Variants in NELL1 observed in about 807,000 individuals in gnomAD.
The protein encoded by NELL1 is neural EGFL like 1.
Under a neutral mutation model 107.4 loss-of-function variants are expected in NELL1, and 76 were observed. The ratio of observed to expected loss-of-function variants is 0.71; its 90% CI spans 0.59 to 0.86. NELL1 has a LOEUF of 0.86. Among genes scored for constraint, NELL1 ranks in the 40% least tolerant of loss-of-function variants. The pLI, the probability that NELL1 is intolerant of heterozygous loss-of-function variation, is 0.00. For synonymous variants in NELL1, 353 were observed against 341.2 expected (o/e 1.03, Z -0.38); for missense variants, 1,024 against 1,005.5 (o/e 1.02, Z -0.25).
intron 2 of NELL1, among the ~76,000 whole-genome samples, chr11:20,720,774 CTTTTTA>C: frequency 6.6e-6 from 1 of 152,116 alleles, no homozygotes; most frequent in East Asian, 1.9e-4. Flanking sequence ...CAAATTTCTT[CTTTTTA>C]TAAGGATACC....
intron 15 of NELL1, among the ~76,000 whole-genome samples, chr11:21,385,818 C>T (rs1366013537): frequency 6.6e-6 from 1 of 151,882 alleles, no homozygotes; most frequent in East Asian, 1.9e-4. Flanking sequence ...CAATATTCCT[C>T]CTGCACTAAA....
chr11:20,996,022 A>G (rs984578086), intron 12 of NELL1, among the ~76,000 whole-genome samples: 7 of 152,230 alleles, frequency 4.6e-5, no homozygotes, highest in African/African-American at 1.7e-4. Flanking sequence ...TACTTAATGT[A>G]TTAGTCTTCA....
intron 1 of NELL1, 145 bp from the exon 2 acceptor site, chr11:20,677,787 C>G (rs1854095178): frequency 1.1e-6 from 1 of 908,368 alleles, no homozygotes; most frequent in African/African-American, 1.6e-5. Flanking sequence ...CAAAGATTTG[C>G]TTTTCTTTTC....
rs542498119 is a variant in NELL1, at chr11:21,205,603, C to T, written c.1427-23729C>T. Among the ~76,000 whole-genome samples the T allele has an allele frequency of 1.5e-3, 223 of 152,274 alleles. 2 individuals are homozygous for T. Among genetic ancestry groups the T allele is most frequent in the Admixed American group, 2.4e-3 (37 of 15,290 alleles). ...AGCACTTGGCTCCCTGGCTTCAGCC[C>T]CCTTTCTAGTGGAGTCAACAGTTCT... On this transcript the variant is annotated intron_variant, in intron 13 of 19. Transcript: ENST00000357134.
chr11:20,711,737 G>T (rs1341563337), intron 2 of NELL1, among the ~76,000 whole-genome samples: 1 of 151,718 alleles, frequency 6.6e-6, no homozygotes, highest in Non-Finnish European at 1.5e-5. Context: ...AAAAGTTTCT[G>T]CTAAGAAATC....
chr11:21,280,173 A>G (rs7934569), intron 14 of NELL1, among the ~76,000 whole-genome samples: 2,285 of 152,300 alleles, frequency 0.015, 71 homozygotes, highest in African/African-American at 0.052. Context: ...TGTACAATGT[A>G]AAATACCAAG....
intron 12 of NELL1, among the ~76,000 whole-genome samples, chr11:21,081,223 C>T (rs920297237): frequency 2.0e-5 from 3 of 152,064 alleles, no homozygotes; most frequent in Non-Finnish European, 4.4e-5. Flanking sequence ...ATCACCAACC[C>T]CCTTCTTGAG....
rs373587109 is a variant in NELL1 at position 21,387,549 on chromosome 11, A to C, written c.1645+16601A>C. On this transcript the variant is annotated intron_variant, in intron 15 of 19. Transcript: ENST00000357134. ...GTACTGGTAAGGTAGTACGGACAAG[A>C]TTATAGGATTAGGAGGTGTCAGAGC... Among the ~76,000 whole-genome samples, 269 of 151,980 alleles carry C rather than the reference A, an allele frequency of 1.8e-3. 9 individuals carry two copies. The South Asian group carries it at 0.053, about 30-fold the overall frequency.
intron 4 of NELL1, among the ~76,000 whole-genome samples, chr11:20,851,475 C>A (rs938454759): frequency 6.6e-6 from 1 of 152,028 alleles, no homozygotes; most frequent in Non-Finnish European, 1.5e-5. Context: ...CTCCGGCTAC[C>A]TTTTATATTA....
chr11:20,948,253 A>G (rs1386429421), intron 11 of NELL1, among the ~76,000 whole-genome samples: 4 of 151,626 alleles, frequency 2.6e-5, no homozygotes, highest in Admixed American at 2.0e-4. Context: ...GGGTCTTGCT[A>G]TGTTGCCCAG....
In NELL1 at chr11:20,685,229, G is replaced by A. The variant is rs550101507; in HGVS notation, c.184+7169G>A. Among the ~76,000 whole-genome samples, 28 of 152,072 alleles carry A rather than the reference G, an allele frequency of 1.8e-4. No individual in the cohort carries two copies. In the South Asian group the frequency reaches 2.1e-3, roughly 11 times the overall value. ...ATAGGGCTCATCTCTTTTGTATCCC[G>A]TCTCTGAAGGATCACTGCCCTTCAT... On this transcript the variant is annotated intron_variant, in intron 2 of 19. Transcript: ENST00000357134.
intron 13 of NELL1, among the ~76,000 whole-genome samples, chr11:21,139,120 A>T (rs1469023642): frequency 6.6e-6 from 1 of 152,214 alleles, no homozygotes; most frequent in Non-Finnish European, 1.5e-5. Context: ...GAGCAGGTCC[A>T]TCTTACTTCT....
At chr11:21,174,004 G>A (rs1375178583) in intron 13 of NELL1, among the ~76,000 whole-genome samples, 1 of 151,786 alleles carries the variant, frequency 6.6e-6, no homozygotes, top group African/African-American at 2.4e-5. Context: ...AACAATTCCA[G>A]TAGCAACTAA....
intron 15 of NELL1, among the ~76,000 whole-genome samples, chr11:21,498,198 T>A (rs1049624779): frequency 1.3e-5 from 2 of 151,570 alleles, no homozygotes; most frequent in African/African-American, 4.8e-5. Flanking sequence ...AAATCTAAAT[T>A]CTTTTTATAT....
intron 15 of NELL1, among the ~76,000 whole-genome samples, chr11:21,435,437 T>A (rs980142555): frequency 7.4e-6 from 1 of 135,984 alleles, no homozygotes; most frequent in African/African-American, 3.2e-5. Flanking sequence ...TATTGTTTTT[T>A]GTTTTTTGTT....
chr11:20,814,902 A>T (rs1857590863), intron 3 of NELL1, among the ~76,000 whole-genome samples: 1 of 152,122 alleles, frequency 6.6e-6, no homozygotes, highest in African/African-American at 2.4e-5. Flanking sequence ...GACTGAACTG[A>T]TTTACATTCT....
chr11:20,708,389 G>A (rs1855027655), intron 2 of NELL1, among the ~76,000 whole-genome samples: 1 of 152,160 alleles, frequency 6.6e-6, no homozygotes, highest in Admixed American at 6.5e-5. Flanking sequence ...TACCGCAGTT[G>A]GAAATGCAGA....
intron 3 of NELL1, among the ~76,000 whole-genome samples, chr11:20,830,555 A>C (rs1392139720): frequency 1.3e-5 from 2 of 151,808 alleles, no homozygotes; most frequent in East Asian, 2.0e-4. Flanking sequence ...CCAGGCTGGT[A>C]TTGAAGTCAT....
chr11:21,066,607 C>G (rs576785177), intron 12 of NELL1, among the ~76,000 whole-genome samples: 1 of 152,058 alleles, frequency 6.6e-6, no homozygotes, highest in East Asian at 1.9e-4. Context: ...TATTAGAATG[C>G]CTATCTTTCA....
Sources: allele counts gnomAD v4.1 joint callset (sites outside exome capture counted in the v4.1 genomes callset), GRCh38; gene constraint gnomAD v4.1.1; transcripts MANE v1.5; gene names NCBI Gene and HGNC (gene_info 2026-07-23, HGNC 2026-07-21).